Variants in POTEJ observed in about 807,000 individuals in gnomAD.
POTEJ encodes POTE ankyrin domain family member J.
POTEJ carries 11 observed loss-of-function variants against 69.0 expected under a neutral mutation model. The observed-to-expected ratio is 0.16, with a 90% CI of 0.10 to 0.26. The LOEUF (loss-of-function observed/expected upper bound fraction) is 0.26, where lower values mean the gene tolerates loss of function less well. Ranked by LOEUF, POTEJ falls within the 10% of genes least tolerant of loss-of-function variation. POTEJ has a pLI of 1.00. For missense variants in POTEJ, 327 were observed against 1,045.5 expected (o/e 0.31, Z 9.48); for synonymous variants, 117 against 381.1 (o/e 0.31, Z 8.07).
rs182275324 is a variant in POTEJ, at chr2:130,630,981, G to T, written c.1087-428G>T. Among the ~76,000 whole-genome samples the T allele has an allele frequency of 5.9e-4, 85 of 144,030 alleles. 2 individuals are homozygous for T. The highest frequency in any genetic ancestry group is 5.6e-3 in the Admixed American group (83 of 14,702). 94.5% of individuals were successfully genotyped at this position (144,030 alleles called of 152,430 possible). ...TAGAAAAGCACTTCAGTGCACTGTAGGGGCTCACTTGTTAGGGTTTCATGA... is the reference window on the plus strand; with the variant it reads ...TAGAAAAGCACTTCAGTGCACTGTATGGGCTCACTTGTTAGGGTTTCATGA... On this transcript the variant is annotated intron_variant, in intron 7 of 14. Transcript: ENST00000409602.
intron 9 of POTEJ, among the ~76,000 whole-genome samples, chr2:130,637,634 A>C (rs1278066039): frequency 6.6e-6 from 1 of 152,276 alleles, no homozygotes; most frequent in Non-Finnish European, 1.5e-5. Context: ...GTGAGATGAC[A>C]CCAGAGCCAA....
chr2:130,631,136 G>A (rs1436356849), intron 7 of POTEJ, among the ~76,000 whole-genome samples: 2 of 146,644 alleles, frequency 1.4e-5, no homozygotes, highest in East Asian at 1.9e-4. Context: ...GCTGGTTCAC[G>A]TTTTTTTTCT....
intron 14 of POTEJ, 88 bp from the exon 15 acceptor site, chr2:130,656,461 A>G (rs1686991383): frequency 6.7e-7 from 1 of 1,502,062 alleles, no homozygotes; most frequent in East Asian, 2.3e-5. Context: ...CTTTCATTAT[A>G]CAAATACATG....
At position 130,611,701 on chromosome 2, in the gene POTEJ, C is replaced by G; in HGVS notation, c.169C>G (p.Leu57Val). 1 of 1,558,094 alleles carries G rather than the reference C, an allele frequency of 6.4e-7. No individual in the cohort carries two copies. Among genetic ancestry groups the G allele is most frequent in the Non-Finnish European group, 8.7e-7 (1 of 1,146,600 alleles). ...CCAGGACGACTCCACTATGAAGACA[C>G]TCAGGAGCAAGATGGGCAAGTGGTG... is the stretch of plus-strand genomic sequence containing the variant. ...GDQDDSTMKTLRSKMGKWCCH... is the reference protein window; with the variant it reads ...GDQDDSTMKTVRSKMGKWCCH... Residue 57 changes from leucine to valine, a missense_variant, in exon 1 of 15, where the codon CTC becomes GTC. Transcript: ENST00000409602.
intron 7 of POTEJ, among the ~76,000 whole-genome samples, chr2:130,630,552 C>CTG (rs1685858300): frequency 7.1e-6 from 1 of 140,934 alleles, no homozygotes; most frequent in Admixed American, 7.0e-5. Context: ...TTGTCAGTCA[C>CTG]TGATACCAAG....
At chr2:130,641,956 G>C (rs551205654) in intron 10 of POTEJ, among the ~76,000 whole-genome samples, 1 of 152,228 alleles carries the variant, frequency 6.6e-6, no homozygotes, top group African/African-American at 2.4e-5. Context: ...TATCAGAGTT[G>C]TTCCTCTTAG....
chr2:130,646,962 GAGTAAGCATAT>G (rs1471486526), intron 13 of POTEJ, among the ~76,000 whole-genome samples: 1 of 148,232 alleles, frequency 6.7e-6, no homozygotes, highest in Non-Finnish European at 1.5e-5. Context: ...ATATATAACA[GAGTAAGCATAT>G]ATAATACATG....
chr2:130,633,027 C>T (rs1443285195), intron 9 of POTEJ, among the ~76,000 whole-genome samples: 4 of 146,168 alleles, frequency 2.7e-5, no homozygotes, highest in Non-Finnish European at 6.0e-5. Flanking sequence ...GTTTTTTGGT[C>T]ATCTCCCTCC....
At chr2:130,641,975 A>G (rs1383574188) in intron 10 of POTEJ, among the ~76,000 whole-genome samples, 2 of 152,000 alleles carry the variant, frequency 1.3e-5, no homozygotes, top group Non-Finnish European at 2.9e-5. Flanking sequence ...AGGGAATGAT[A>G]CTCTCCATGA....
At chr2:130,636,546 A>G (rs1247008073) in intron 9 of POTEJ, among the ~76,000 whole-genome samples, 2 of 146,522 alleles carry the variant, frequency 1.4e-5, no homozygotes, top group African/African-American at 2.5e-5. Context: ...CACCCTCCCC[A>G]TCAAACACAT....
intron 10 of POTEJ, among the ~76,000 whole-genome samples, chr2:130,643,411 C>T (rs1186005490): frequency 3.8e-5 from 5 of 132,926 alleles, no homozygotes; most frequent in African/African-American, 1.4e-4. Flanking sequence ...CACAGTTACT[C>T]AGGAGACTGA....
intron 6 of POTEJ, among the ~76,000 whole-genome samples, chr2:130,625,036 C>T (rs71304533): frequency 7.3e-5 from 11 of 150,448 alleles, no homozygotes; most frequent in East Asian, 2.0e-4. Flanking sequence ...AACAAAAATG[C>T]TAGTATGCTA....
intron 9 of POTEJ, among the ~76,000 whole-genome samples, chr2:130,637,121 G>C (rs1686123265): frequency 6.7e-6 from 1 of 149,358 alleles, no homozygotes; most frequent in Admixed American, 6.7e-5. Flanking sequence ...CTTTCTAACA[G>C]TTTTGCCTGG....
chr2:130,649,250 TG>T, intron 13 of POTEJ, among the ~76,000 whole-genome samples: 1 of 151,538 alleles, frequency 6.6e-6, no homozygotes, highest in East Asian at 1.9e-4. Context: ...GATCCAAAAT[TG>T]GGCTACTGAT....
At position 130,657,061 on chromosome 2, in the gene POTEJ, G is replaced by A; in HGVS notation, c.2301G>A (p.Leu767=). ...TGGCCCCCGAGGAGCACCCCATCCTGCTGACCGAGGCCCCCCTGAACCCCA... is the reference window on the plus strand; with the variant it reads ...TGGCCCCCGAGGAGCACCCCATCCTACTGACCGAGGCCCCCCTGAACCCCA... ...LRVAPEEHPI[L]LTEAPLNPKA... is the part of the protein sequence containing the mutation. The change falls in exon 15 of 15, where the codon CTG becomes CTA. Residue 767 remains leucine (L), a synonymous_variant. Transcript: ENST00000409602. 1.3e-6 allele frequency: 2 copies of A among 1,581,122 alleles called. No individual in the cohort carries two copies. The highest frequency in any genetic ancestry group is 1.7e-6 in the Non-Finnish European group (2 of 1,156,894).
intron 13 of POTEJ, among the ~76,000 whole-genome samples, chr2:130,649,739 C>T (rs1176021130): frequency 1.4e-5 from 2 of 143,226 alleles, no homozygotes; most frequent in African/African-American, 5.3e-5. Context: ...TGTGTTTCAG[C>T]CACACTGAAC....
chr2:130,636,151 C>T (rs1321026481), intron 9 of POTEJ, among the ~76,000 whole-genome samples: 2 of 149,996 alleles, frequency 1.3e-5, no homozygotes, highest in Non-Finnish European at 2.9e-5. Flanking sequence ...TGCTTTTTCC[C>T]CAGATATCCT....
At chr2:130,625,065 A>C (rs2105210849) in intron 6 of POTEJ, among the ~76,000 whole-genome samples, 1 of 152,280 alleles carries the variant, frequency 6.6e-6, no homozygotes, top group Non-Finnish European at 1.5e-5. Context: ...TGGACACCTA[A>C]TACATTATAT....
At chr2:130,634,031 C>T (rs1411847038) in intron 9 of POTEJ, among the ~76,000 whole-genome samples, 2 of 150,980 alleles carry the variant, frequency 1.3e-5, no homozygotes, top group Non-Finnish European at 3.0e-5. Context: ...CCCACCTCAG[C>T]CTCTCTACTA....
Sources: gnomAD v4.1 joint callset for allele counts (sites outside exome capture counted in the v4.1 genomes callset) on GRCh38, gnomAD v4.1.1 for gene constraint, MANE v1.5 for transcripts, NCBI Gene and HGNC (gene_info 2026-07-23, HGNC 2026-07-21) for gene names.